The following PGC variants were observed in gnomAD, a reference collection of about 807,000 sequenced individuals.
The protein encoded by PGC is gastricsin.
In PGC, 31 loss-of-function variants were observed where a neutral mutation model predicts 45.9. The observed-to-expected ratio is 0.67, with a 90% CI of 0.51 to 0.91. The LOEUF is 0.91. Among genes scored for constraint, PGC ranks in the 40% least tolerant of loss-of-function variants. PGC has a pLI of 0.00. For synonymous variants in PGC, 192 were observed against 201.8 expected (o/e 0.95, Z 0.41); for missense variants, 477 against 493.2 (o/e 0.97, Z 0.31).
chr6:41,737,550 C>A (rs1248037924), intron 8 of PGC, among the ~76,000 whole-genome samples, 180 bp downstream of exon 8: 14 of 152,242 alleles, frequency 9.2e-5, no homozygotes, highest in Admixed American at 9.2e-4. Flanking sequence ...AGATGACAAT[C>A]TTCTATTTCA....
chr6:41,738,217 T>TATATATATGC (rs1561879932), intron 7 of PGC, among the ~76,000 whole-genome samples: 1 of 33,624 alleles, frequency 3.0e-5, no homozygotes, highest in African/African-American at 8.8e-5. Context: ...TATATATGCA[T>TATATATATGC]ATATATATGC....
chr6:41,737,616 T>A (rs972051977), intron 8 of PGC, 114 bp downstream of exon 8: 9 of 650,598 alleles, frequency 1.4e-5, no homozygotes, highest in Admixed American at 1.2e-4. Flanking sequence ...GATAAATGAG[T>A]ACAAGCGTGG....
intron 8 of PGC, 31 bp downstream of exon 8, chr6:41,737,699 G>A (rs762266223): frequency 2.2e-6 from 3 of 1,344,500 alleles, no homozygotes; most frequent in East Asian, 2.3e-5. Context: ...CCCCAATCAT[G>A]GTGGCTCAGC....
intron 1 of PGC, among the ~76,000 whole-genome samples, chr6:41,746,427 T>C (rs1771932231): frequency 6.6e-6 from 1 of 152,212 alleles, no homozygotes; most frequent in Admixed American, 6.5e-5. Context: ...GCTCTGGAGT[T>C]GGAACTTATA....
At chr6:41,742,621 C>CTTGT (rs373447359) in intron 4 of PGC, 132 bp from the exon 5 acceptor site, 16 of 705,262 alleles carry the variant, frequency 2.3e-5, no homozygotes, top group Middle Eastern at 2.6e-4. Flanking sequence ...TTTTGGTTTT[C>CTTGT]TTGTTTGTTT....
intron 3 of PGC, among the ~76,000 whole-genome samples, chr6:41,743,616 G>A (rs946909011): frequency 2.0e-5 from 3 of 152,164 alleles, no homozygotes; most frequent in African/African-American, 7.2e-5. Context: ...GATGCCTCAG[G>A]ACTGTGGCCT....
At chr6:41,738,193 T>C (rs868251667) in intron 7 of PGC, among the ~76,000 whole-genome samples, 5,124 of 35,164 alleles carry the variant, frequency 0.15, 401 homozygotes, top group Non-Finnish European at 0.24. Context: ...TATATATGCA[T>C]ATATATATGC....
rs974432077 is a variant in PGC, at chr6:41,743,176, C to T, written c.447+95G>A. ...TGCCTTCCTGTCCTGCACACCAGAA[C>T]ACTAGCATTCCACCGTGTTTCAGGA... On this transcript the variant is annotated intron_variant, in intron 4 of 8. Coordinates refer to ENST00000373025, the MANE Select transcript of PGC (RefSeq NM_002630.4). 2.1e-5 allele frequency: 17 copies of T among 804,252 alleles called. No homozygotes were observed. The Admixed American group carries it at 2.8e-4, about 13-fold the overall frequency. 49.8% of individuals were successfully genotyped at this position (804,252 alleles called of 1,614,324 possible). A position where few individuals can be genotyped will look rare whatever the true frequency, so the allele number is the denominator to read the frequency against.
At chr6:41,739,734 A>C (rs937392339) in intron 7 of PGC, 65 bp downstream of exon 7, 16 of 1,509,162 alleles carry the variant, frequency 1.1e-5, no homozygotes, top group Non-Finnish European at 4.5e-6. Context: ...TTGTGTTCCC[A>C]GGAGAAATCA....
At chr6:41,743,057 C>A (rs1771861278) in intron 4 of PGC, among the ~76,000 whole-genome samples, 1 of 152,216 alleles carries the variant, frequency 6.6e-6, no homozygotes, top group African/African-American at 2.4e-5. Flanking sequence ...GGAAAAGGAC[C>A]ATGTCCCTCT....
chr6:41,738,068 C>T (rs912228200), intron 7 of PGC, among the ~76,000 whole-genome samples: 13 of 148,482 alleles, frequency 8.8e-5, no homozygotes, highest in Non-Finnish European at 1.5e-4. Flanking sequence ...CCTCTTGCCT[C>T]GATTTCCCAT....
intron 5 of PGC, chr6:41,741,002 G>C (rs1185116270): frequency 1.3e-6 from 2 of 1,533,370 alleles, no homozygotes; most frequent in South Asian, 2.4e-5. Flanking sequence ...GCTGACTTCT[G>C]GGGGGTCCCC....
Position 41,743,382 on chromosome 6 carries a change from G to C in PGC, c.336C>G (p.His112Gln). The change falls in exon 4 of 9, where the codon CAC becomes CAG. Residue 112 changes from histidine (H) to glutamine (Q), a missense_variant. Coordinates refer to ENST00000373025, the MANE Select transcript of PGC (RefSeq NM_002630.4). ...ACGACTCGCTGGGGTTGAAGCGGGA[G>C]TGACTGGCTGCAGGGGAGTCAGGGC... The part of the protein sequence containing the change: ...VYCQSQACTS[H>Q]SRFNPSESST... 1 of 1,609,706 alleles carries C rather than the reference G, an allele frequency of 6.2e-7. No individual in the cohort carries two copies. The highest frequency in any genetic ancestry group is 2.2e-5 in the East Asian group (1 of 44,870).
intron 4 of PGC, among the ~76,000 whole-genome samples, chr6:41,742,712 C>T (rs938563111): frequency 6.6e-6 from 1 of 152,226 alleles, no homozygotes; most frequent in African/African-American, 2.4e-5. Flanking sequence ...GCAACCTCTG[C>T]TCCCCTGGTT....
At position 41,747,298 on chromosome 6, in the gene PGC, G is replaced by T. The variant is rs781299756; in HGVS notation, c.37C>A (p.Leu13Ile). Reference protein sequence around the residue: ...WMVVVLVCLQLLEAAVVKVPL... With the variant: ...WMVVVLVCLQILEAAVVKVPL... The stretch of plus-strand genomic sequence containing the variant: ...CACTTGACCACTGCTGCCTCCAAGA[G>T]CTGGAGGCAGACCAAGACCACCACC... Residue 13 changes from leucine (L) to isoleucine (I), a missense_variant, in exon 1 of 9, where the codon CTC becomes ATC. Transcript: ENST00000373025. 1 of 1,613,738 alleles carries T rather than the reference G, an allele frequency of 6.2e-7. No homozygotes were observed. Among genetic ancestry groups the T allele is most frequent in the Non-Finnish European group, 8.5e-7 (1 of 1,179,678 alleles).
rs13210117 is a variant in PGC, at chr6:41,740,497, A to G, written c.761T>C (p.Ile254Thr). ...GGCCCCACCGCAGACTCACTCTTCA[A>G]TGCCAATCTGCCAGTAGAGTTCCTG... ...VTQELYWQIG[I>T]EEFLIGGQAS... Residue 254 changes from isoleucine to threonine, a missense_variant, in exon 6 of 9, where the codon ATT becomes ACT. By Grantham distance (89) the Ile-to-Thr change is moderately conservative. Coordinates refer to ENST00000373025, the MANE Select transcript of PGC (RefSeq NM_002630.4). 9 of 1,609,908 alleles carry G rather than the reference A, an allele frequency of 5.6e-6. No individual in the cohort carries two copies. Among genetic ancestry groups the G allele is most frequent in the Non-Finnish European group, 7.6e-6 (9 of 1,178,124 alleles).
At position 41,742,140 on chromosome 6, in the gene PGC, C is replaced by T. The variant is rs577422153; in HGVS notation, c.647+150G>A. 57 of 734,538 alleles carry T rather than the reference C, an allele frequency of 7.8e-5. No individual in the cohort carries two copies. In the East Asian group the frequency reaches 1.4e-3, roughly 18 times the overall value. The allele number at this position is 734,538 out of a possible 1,614,324, so 45.5% of individuals were successfully genotyped here. ...CTGGGAGAGGATTCGAGAGGAAGCC[C>T]AGGAAGGAAGGCCCTGGAGCAAGAC... On this transcript the variant is annotated intron_variant, in intron 5 of 8. Transcript: ENST00000373025.
At position 41,744,937 on chromosome 6, in the gene PGC, G is replaced by T; in HGVS notation, c.60-129C>A. The T allele has an allele frequency of 1.3e-6, 1 of 794,258 alleles. No individual in the cohort carries two copies. Among genetic ancestry groups the T allele is most frequent in the Non-Finnish European group, 2.0e-6 (1 of 498,048 alleles). The allele number at this position is 794,258 out of a possible 1,614,324, so 49.2% of individuals were successfully genotyped here. On this transcript the variant is annotated intron_variant, in intron 1 of 8. Transcript: ENST00000373025. This position sits in a 1 kb window ranked among gnomAD's most constrained non-coding sequence, Gnocchi z 4.4. ...CCACTCTGTTTGTTCCCCCTTGTCT[G>T]TGTGTGTCTTTTTCTCTCTCTCAGC...
chr6:41,743,250 C>G, intron 4 of PGC, 21 bp downstream of exon 4: 2 of 1,419,024 alleles, frequency 1.4e-6, no homozygotes, highest in South Asian at 2.3e-5. Flanking sequence ...GCCCCAGCCT[C>G]CACTCCCCAT....
Sources: gnomAD v4.1 joint callset for allele counts (sites outside exome capture counted in the v4.1 genomes callset) on GRCh38, gnomAD v4.1.1 for gene constraint, Gnocchi (gnomAD v3.1) non-coding constraint, MANE v1.5 for transcripts, NCBI Gene and HGNC (gene_info 2026-07-23, HGNC 2026-07-21) for gene names.